Variants in PDE5A observed in about 807,000 individuals in gnomAD.
PDE5A encodes phosphodiesterase 5A, also known as cGMP-specific 3',5'-cyclic phosphodiesterase.
PDE5A carries 67 observed loss-of-function variants against 110.2 expected under a neutral mutation model. That is an observed-to-expected ratio of 0.61 (90% confidence interval 0.50 to 0.75). The LOEUF (loss-of-function observed/expected upper bound fraction) is 0.75. Ranked by LOEUF, PDE5A falls within the 30% of genes least tolerant of loss-of-function variation. The probability of loss-of-function intolerance (pLI) is 0.00; values close to 1 mark genes in which losing one functional copy is unlikely to be tolerated. For synonymous variants in PDE5A, 328 were observed against 351.2 expected (o/e 0.93, Z 0.74); for missense variants, 862 against 1,045.1 (o/e 0.82, Z 2.42).
intron 2 of PDE5A, among the ~76,000 whole-genome samples, chr4:119,603,049 T>C (rs967889753): frequency 6.6e-6 from 1 of 152,180 alleles, no homozygotes; most frequent in Non-Finnish European, 1.5e-5. Flanking sequence ...CCTCAGGACA[T>C]GGAATGGGGT....
Position 119,609,927 on chromosome 4 carries a change from A to G in PDE5A, c.153-2630T>C, listed in dbSNP as rs544896628. On this transcript the variant is annotated intron_variant, in intron 1 of 20. Coordinates refer to ENST00000354960, the MANE Select transcript of PDE5A (RefSeq NM_001083.4). Reference sequence around the variant, plus strand: ...TCAATTAAAAAATAAATTTAAAAATATCCAATGAGTAATTTAAAGGAAAAC... The same window carrying G: ...TCAATTAAAAAATAAATTTAAAAATGTCCAATGAGTAATTTAAAGGAAAAC... Among the ~76,000 whole-genome samples the G allele has an allele frequency of 2.6e-4, 39 of 152,336 alleles. 1 individual carries two copies. Among genetic ancestry groups the G allele is most frequent in the Admixed American group, 2.5e-3 (39 of 15,302 alleles).
intron 3 of PDE5A, among the ~76,000 whole-genome samples, chr4:119,578,349 T>C (rs1323691695): frequency 6.6e-6 from 1 of 152,172 alleles, no homozygotes; most frequent in Non-Finnish European, 1.5e-5. Flanking sequence ...TTAGAGTTCA[T>C]ATGGAACCAA....
intron 11 of PDE5A, among the ~76,000 whole-genome samples, chr4:119,534,088 T>G (rs957937087): frequency 1.3e-5 from 2 of 152,174 alleles, no homozygotes; most frequent in Non-Finnish European, 2.9e-5. Context: ...ATCTAGTAGG[T>G]CTTGCCAATG....
chr4:119,548,195 C>A (rs1048958498), intron 9 of PDE5A: 2 of 151,882 alleles, frequency 1.3e-5, no homozygotes, highest in Non-Finnish European at 2.9e-5. Context: ...ACTACAGGCA[C>A]CCGCCACCGC....
At chr4:119,499,982 A>G (rs1418203812) in intron 20 of PDE5A, 1 of 152,040 alleles carries the variant, frequency 6.6e-6, no homozygotes, top group Non-Finnish European at 1.5e-5. Flanking sequence ...GTATATATAT[A>G]TATATAAATG....
chr4:119,511,214 T>TA, intron 14 of PDE5A, 80 bp from the exon 15 acceptor site: 1 of 825,570 alleles, frequency 1.2e-6, no homozygotes, highest in Non-Finnish European at 2.0e-6. Flanking sequence ...TATTACTGTT[T>TA]AACTACAAAA....
Position 119,499,792 on chromosome 4 carries a change from A to G in PDE5A, c.2491-1054T>C, listed in dbSNP as rs1725228981. The G allele has an allele frequency of 4.6e-5, 7 of 152,272 alleles. 1 individual carries two copies. Among genetic ancestry groups the G allele is most frequent in the Admixed American group, 4.6e-4 (7 of 15,288 alleles). The allele number at this position is 152,272 out of a possible 1,614,324, so 9.4% of individuals were successfully genotyped here. ...GGCTGGCCTCGAACTCCTGAGCTCA[A>G]GTGATCAACCTGCCTCTGCCTCCCA... On this transcript the variant is annotated intron_variant, in intron 20 of 20. Transcript: ENST00000354960.
intron 3 of PDE5A, among the ~76,000 whole-genome samples, chr4:119,593,771 C>A (rs186663183): frequency 5.1e-4 from 77 of 152,252 alleles, no homozygotes; most frequent in Admixed American, 2.0e-3. Context: ...TGAAGAAATA[C>A]CTGAGACTGG....
At chr4:119,512,033 T>G (rs916700268) in intron 14 of PDE5A, among the ~76,000 whole-genome samples, 4 of 152,082 alleles carry the variant, frequency 2.6e-5, no homozygotes, top group Non-Finnish European at 5.9e-5. Context: ...ATTGTAAAGC[T>G]CCATATACAA....
chr4:119,625,532 G>A (rs1003005704), intron 1 of PDE5A, among the ~76,000 whole-genome samples: 1 of 152,116 alleles, frequency 6.6e-6, no homozygotes, highest in African/African-American at 2.4e-5. Flanking sequence ...TGCAGAAATT[G>A]TTTTTATCAG....
intron 9 of PDE5A, chr4:119,543,388 CAA>C (rs1465914518): frequency 6.6e-6 from 1 of 152,006 alleles, no homozygotes; most frequent in Non-Finnish European, 1.5e-5. Context: ...TCTGTGTAAA[CAA>C]AGTGTTGTTA....
At chr4:119,527,043 C>T (rs2110474729) in intron 11 of PDE5A, 1 of 152,256 alleles carries the variant, frequency 6.6e-6, no homozygotes, top group African/African-American at 2.4e-5. Context: ...GAAAAGCCCA[C>T]CTTTTAACTC....
At chr4:119,502,292 C>A in intron 19 of PDE5A, 1 of 243,162 alleles carries the variant, frequency 4.1e-6, no homozygotes, top group East Asian at 9.7e-5. Flanking sequence ...CATGATAATA[C>A]ATAAGAATAT....
intron 3 of PDE5A, among the ~76,000 whole-genome samples, chr4:119,593,674 G>A (rs1385663862): frequency 6.6e-6 from 1 of 152,186 alleles, no homozygotes; most frequent in Non-Finnish European, 1.5e-5. Context: ...TTACATGATC[G>A]AATATACATA....
chr4:119,577,615 C>A (rs1020208400), intron 3 of PDE5A, among the ~76,000 whole-genome samples: 3 of 151,954 alleles, frequency 2.0e-5, no homozygotes, highest in Non-Finnish European at 4.4e-5. Flanking sequence ...ATGCAGAAAA[C>A]GCCTTTGACA....
At chr4:119,511,971 T>A (rs941769522) in intron 14 of PDE5A, among the ~76,000 whole-genome samples, 2 of 152,156 alleles carry the variant, frequency 1.3e-5, no homozygotes, top group African/African-American at 4.8e-5. Flanking sequence ...AAGAAAAAGA[T>A]GAAGTTTCTG....
At chr4:119,590,406 T>C (rs1728925750) in intron 3 of PDE5A, among the ~76,000 whole-genome samples, 1 of 152,202 alleles carries the variant, frequency 6.6e-6, no homozygotes, top group South Asian at 2.1e-4. Flanking sequence ...ATCACTTTTT[T>C]CTTTCTGTCT....
In PDE5A at chr4:119,567,159, G is replaced by C. The variant is rs762458212; in HGVS notation, c.832-15C>G. The C allele has an allele frequency of 6.3e-7, 1 of 1,590,518 alleles. No homozygotes were observed. The highest frequency in any genetic ancestry group is 1.1e-5 in the South Asian group (1 of 88,788). Reference sequence around the variant, plus strand: ...ACACCAACAACCTGGTATAAGGAGAGAAAAGCGACAATTTTTTTATTGACT... The same window carrying C: ...ACACCAACAACCTGGTATAAGGAGACAAAAGCGACAATTTTTTTATTGACT... On this transcript the variant is annotated splice_polypyrimidine_tract_variant and intron_variant, in intron 3 of 20. Transcript: ENST00000354960.
At chr4:119,582,564 A>G (rs1728623831) in intron 3 of PDE5A, among the ~76,000 whole-genome samples, 1 of 152,188 alleles carries the variant, frequency 6.6e-6, no homozygotes, top group Admixed American at 6.5e-5. Flanking sequence ...AGTCCTTTCC[A>G]GAGGGTTTTC....
Sources: allele counts gnomAD v4.1 joint callset (sites outside exome capture counted in the v4.1 genomes callset), GRCh38; gene constraint gnomAD v4.1.1; transcripts MANE v1.5; gene names NCBI Gene and HGNC (gene_info 2026-07-23, HGNC 2026-07-21).